Variants in PRKCE observed in about 807,000 individuals in gnomAD.
The protein encoded by PRKCE is protein kinase C epsilon.
In PRKCE, 16 loss-of-function variants were observed where a neutral mutation model predicts 85.4. That is an observed-to-expected ratio of 0.19 (90% confidence interval 0.13 to 0.28). The LOEUF (loss-of-function observed/expected upper bound fraction) is 0.28, where lower values mean the gene tolerates loss of function less well. Among genes scored for constraint, PRKCE ranks in the 10% least tolerant of loss-of-function variants. The pLI is 1.00. For missense variants in PRKCE, 573 were observed against 975.2 expected (o/e 0.59, Z 5.49); for synonymous variants, 388 against 371.5 (o/e 1.04, Z -0.51).
At chr2:45,686,828 T>C (rs1312962716) in intron 1 of PRKCE, among the ~76,000 whole-genome samples, 2 of 152,098 alleles carry the variant, frequency 1.3e-5, no homozygotes, top group Admixed American at 6.5e-5. Context: ...TAGACACCAA[T>C]ATAGAATGAA....
At chr2:46,094,960 T>A (rs1193143524) in intron 11 of PRKCE, among the ~76,000 whole-genome samples, 2 of 152,246 alleles carry the variant, frequency 1.3e-5, no homozygotes, top group Non-Finnish European at 2.9e-5. Flanking sequence ...TAAAGCTTTG[T>A]CTCCATTATT....
intron 10 of PRKCE, among the ~76,000 whole-genome samples, chr2:46,018,498 CT>C (rs1294518896): frequency 6.6e-6 from 1 of 152,176 alleles, no homozygotes; most frequent in Non-Finnish European, 1.5e-5. Context: ...AAAAAAAGCC[CT>C]TCTGGCCTCT....
intron 11 of PRKCE, among the ~76,000 whole-genome samples, chr2:46,100,524 A>G (rs947373887): frequency 2.6e-5 from 4 of 152,316 alleles, no homozygotes; most frequent in Admixed American, 1.3e-4. Context: ...TCCTGTCAGG[A>G]TTGAGAATGC....
rs114157183 is a variant in PRKCE at position 45,995,724 on chromosome 2, C to T, written c.824-5680C>T. Among the ~76,000 whole-genome samples, 812 of 152,216 alleles carry T rather than the reference C, an allele frequency of 5.3e-3. 11 individuals carry two copies. The highest frequency in any genetic ancestry group is 0.019 in the African/African-American group (779 of 41,534). On this transcript the variant is annotated intron_variant, in intron 6 of 14. Coordinates refer to ENST00000306156, the MANE Select transcript of PRKCE (RefSeq NM_005400.3). ...ATTTGTCTGTTCCATTGATGTTTTG[C>T]CAATTCCACATTGTCTTGATTACTT...
intron 11 of PRKCE, among the ~76,000 whole-genome samples, chr2:46,137,232 G>A (rs568723420): frequency 6.6e-6 from 1 of 152,196 alleles, no homozygotes; most frequent in Non-Finnish European, 1.5e-5. Flanking sequence ...AAGTGGCAGA[G>A]TTGGGATATA....
chr2:45,691,167 C>A (rs752563801), intron 1 of PRKCE, among the ~76,000 whole-genome samples: 1 of 152,124 alleles, frequency 6.6e-6, no homozygotes, highest in Non-Finnish European at 1.5e-5. Flanking sequence ...GAGCTGTGTC[C>A]GTCAGTGGGC....
At chr2:45,723,266 C>A in intron 1 of PRKCE, among the ~76,000 whole-genome samples, 1 of 152,166 alleles carries the variant, frequency 6.6e-6, no homozygotes, top group East Asian at 1.9e-4. Context: ...TGCCGTGACT[C>A]CTCCCTGTTA....
chr2:45,776,716 ACT>A (rs2104961466), intron 1 of PRKCE, among the ~76,000 whole-genome samples: 1 of 152,030 alleles, frequency 6.6e-6, no homozygotes, highest in South Asian at 2.1e-4. Context: ...CCACCATGAC[ACT>A]CTGATTCCGT....
At chr2:45,875,218 A>G (rs1694384735) in intron 2 of PRKCE, among the ~76,000 whole-genome samples, 1 of 152,120 alleles carries the variant, frequency 6.6e-6, no homozygotes, top group Admixed American at 6.5e-5. Context: ...CCAAATGAAT[A>G]CTTTCTTGTA....
chr2:45,802,930 A>T (rs1336543492), intron 1 of PRKCE, among the ~76,000 whole-genome samples: 1 of 152,232 alleles, frequency 6.6e-6, no homozygotes, highest in Admixed American at 6.5e-5. Context: ...TCGCTTCTGG[A>T]TATGATGCAA....
intron 11 of PRKCE, among the ~76,000 whole-genome samples, chr2:46,088,939 C>T (rs568007199): frequency 1.4e-4 from 21 of 152,170 alleles, no homozygotes; most frequent in South Asian, 2.1e-4. Flanking sequence ...GGTACCCTGC[C>T]TTTTCAAGTC....
intron 14 of PRKCE, among the ~76,000 whole-genome samples, chr2:46,180,745 A>C (rs912208637): frequency 1.3e-5 from 2 of 152,232 alleles, no homozygotes; most frequent in Admixed American, 6.5e-5. Context: ...TCAGTCCTCA[A>C]GGAAACCTAT....
At chr2:45,724,252 C>T (rs903710523) in intron 1 of PRKCE, among the ~76,000 whole-genome samples, 2 of 152,090 alleles carry the variant, frequency 1.3e-5, no homozygotes, top group Non-Finnish European at 2.9e-5. Context: ...GGTACAATTA[C>T]GTTTGTTTGA....
intron 2 of PRKCE, among the ~76,000 whole-genome samples, chr2:45,954,214 G>A (rs555204658): frequency 7.2e-5 from 11 of 152,248 alleles, no homozygotes; most frequent in South Asian, 2.1e-4. Context: ...GTTCACAAAC[G>A]TGTGCCTGTG....
intron 2 of PRKCE, among the ~76,000 whole-genome samples, chr2:45,975,086 G>A (rs1342474845): frequency 6.6e-6 from 1 of 152,096 alleles, no homozygotes; most frequent in Non-Finnish European, 1.5e-5. Context: ...TTAGAATCTG[G>A]GCTTCCCCAC....
At chr2:46,060,754 T>TA (rs1667034873) in intron 10 of PRKCE, among the ~76,000 whole-genome samples, 1 of 151,570 alleles carries the variant, frequency 6.6e-6, no homozygotes, top group African/African-American at 2.4e-5. Context: ...CTTTTTTTTT[T>TA]TTTTGTTTTT....
intron 1 of PRKCE, among the ~76,000 whole-genome samples, chr2:45,681,043 C>G (rs1328409422): frequency 2.0e-5 from 3 of 152,086 alleles, no homozygotes; most frequent in African/African-American, 7.2e-5. Context: ...GTAATCCCAG[C>G]ACTTTGGGAG....
rs528923754 is a variant in PRKCE, at chr2:45,654,558, G to A, written c.348+2110G>A. Among the ~76,000 whole-genome samples the A allele has an allele frequency of 1.2e-4, 18 of 152,320 alleles. No homozygotes were observed. In the East Asian group the frequency reaches 2.1e-3, roughly 18 times the overall value. On this transcript the variant is annotated intron_variant, in intron 1 of 14. Coordinates refer to ENST00000306156, the MANE Select transcript of PRKCE (RefSeq NM_005400.3). ...ATGGGGAGCCGAGCCTGCCCATCTG[G>A]CCTCCCAGCCTATTCTCCCTGCAGA...
chr2:45,817,062 GT>G, intron 1 of PRKCE, among the ~76,000 whole-genome samples: 1 of 108,948 alleles, frequency 9.2e-6, no homozygotes, highest in Non-Finnish European at 1.9e-5. Context: ...TATACTGTAA[GT>G]AGAGTGTGTG....
Sources: allele counts gnomAD v4.1 joint callset (sites outside exome capture counted in the v4.1 genomes callset), GRCh38; gene constraint gnomAD v4.1.1; transcripts MANE v1.5; gene names NCBI Gene and HGNC (gene_info 2026-07-23, HGNC 2026-07-21).